The following PSMA8 variants were observed in gnomAD, a reference collection of about 807,000 sequenced individuals.
PSMA8 encodes the protein proteasome 20S subunit alpha 8.
PSMA8 carries 18 observed loss-of-function variants against 32.4 expected under a neutral mutation model. The observed-to-expected ratio is 0.56, with a 90% CI of 0.38 to 0.82. The LOEUF (loss-of-function observed/expected upper bound fraction) is 0.82. PSMA8 is among the 40% of genes least tolerant of loss of function. PSMA8 has a pLI of 0.00. For synonymous variants in PSMA8, 104 were observed against 98.1 expected, an observed-to-expected ratio of 1.06 and a Z score of -0.36; for missense variants, 298 against 300.7, an observed-to-expected ratio of 0.99 and a Z score of 0.07.
In PSMA8 at chr18:26,150,199, A is replaced by T. The variant is rs370330365; in HGVS notation, c.230-1659A>T. On this transcript the variant is annotated intron_variant, in intron 2 of 6. Transcript: ENST00000415576. The stretch of plus-strand genomic sequence containing the variant: ...AACATCTGAAACACTTCTGATCCCA[A>T]GCATTTTCAGATGAGCGATGAGGGA... Among the ~76,000 whole-genome samples the T allele has an allele frequency of 5.3e-5, 8 of 152,328 alleles. No individual in the cohort carries two copies. The East Asian group carries it at 9.6e-4, about 18-fold the overall frequency.
chr18:26,153,462 A>G (rs1008474599), intron 3 of PSMA8, among the ~76,000 whole-genome samples: 2 of 152,250 alleles, frequency 1.3e-5, no homozygotes, highest in Admixed American at 1.3e-4. Flanking sequence ...CTAGCAATGT[A>G]TAAATGTATC....
chr18:26,160,259 C>T (rs2055124996), intron 4 of PSMA8, among the ~76,000 whole-genome samples: 1 of 152,178 alleles, frequency 6.6e-6, no homozygotes, highest in Non-Finnish European at 1.5e-5. Context: ...AAGCTAGGAT[C>T]ATACCACTGC....
At chr18:26,158,927 C>G (rs1219566591) in intron 4 of PSMA8, among the ~76,000 whole-genome samples, 1 of 152,086 alleles carries the variant, frequency 6.6e-6, no homozygotes, top group Non-Finnish European at 1.5e-5. Flanking sequence ...GAGTTATAAT[C>G]ATGTCTCTGC....
At chr18:26,148,790 A>G (rs929055832) in intron 2 of PSMA8, among the ~76,000 whole-genome samples, 1 of 152,222 alleles carries the variant, frequency 6.6e-6, no homozygotes, top group African/African-American at 2.4e-5. Context: ...GTTACAAATA[A>G]TAAACAAATT....
At chr18:26,189,871 T>C (rs748495024) in intron 6 of PSMA8, among the ~76,000 whole-genome samples, 1 of 152,174 alleles carries the variant, frequency 6.6e-6, no homozygotes, top group East Asian at 1.9e-4. Flanking sequence ...CTGTTCACAA[T>C]AGCCAAGATT....
chr18:26,153,899 A>T (rs981785490), intron 3 of PSMA8, among the ~76,000 whole-genome samples: 7 of 151,680 alleles, frequency 4.6e-5, no homozygotes, highest in Non-Finnish European at 8.8e-5. Flanking sequence ...TTTTATTTTT[A>T]TTTTTATTTT....
chr18:26,177,446 A>G (rs914737546), intron 4 of PSMA8, among the ~76,000 whole-genome samples: 3 of 152,192 alleles, frequency 2.0e-5, no homozygotes, highest in Admixed American at 2.0e-4. Context: ...AACAGTACCT[A>G]TTTAATCATT....
rs771261480 is a variant in PSMA8, at chr18:26,192,301, AT to A, written c.661-11del. On this transcript the variant is annotated splice_polypyrimidine_tract_variant and intron_variant, in intron 6 of 6. Transcript: ENST00000415576. ...CGTATAACTGACATTTGATCTTTAA[AT>A]TTTTTTCTCTTTTCAGATGTTTAGT... The A allele has an allele frequency of 5.4e-6, 8 of 1,470,228 alleles. No homozygotes were observed. Among genetic ancestry groups the A allele is most frequent in the African/African-American group, 2.9e-5 (2 of 67,900 alleles). 91.1% of individuals were successfully genotyped at this position (1,470,228 alleles called of 1,614,324 possible). A position where few individuals can be genotyped will look rare whatever the true frequency, so the allele number is the denominator to read the frequency against.
intron 2 of PSMA8, 76 bp from the exon 3 acceptor site, chr18:26,151,782 A>G: frequency 7.3e-7 from 1 of 1,379,272 alleles, no homozygotes; most frequent in Non-Finnish European, 9.8e-7. Flanking sequence ...TGTGAATAAA[A>G]CCCATTTGAC....
At chr18:26,174,576 AT>A (rs1366454626) in intron 4 of PSMA8, among the ~76,000 whole-genome samples, 1 of 152,206 alleles carries the variant, frequency 6.6e-6, no homozygotes, top group Non-Finnish European at 1.5e-5. Flanking sequence ...ATTCTATACT[AT>A]TTTAAGGAGA....
At chr18:26,151,082 T>C (rs955307658) in intron 2 of PSMA8, among the ~76,000 whole-genome samples, 3 of 152,336 alleles carry the variant, frequency 2.0e-5, no homozygotes, top group Middle Eastern at 3.4e-3. Flanking sequence ...AGCATATTCA[T>C]ATTAACTATC....
Position 26,170,341 on chromosome 18 carries a change from A to T in PSMA8, c.478-8489A>T, listed in dbSNP as rs2055210927. Among the ~76,000 whole-genome samples the T allele has an allele frequency of 1.5e-5, 2 of 131,820 alleles. 1 individual carries two copies. Among genetic ancestry groups the T allele is most frequent in the Non-Finnish European group, 3.0e-5 (2 of 67,318 alleles). The allele number at this position is 131,820 out of a possible 152,430, so 86.5% of individuals were successfully genotyped here. ...CATTTATCTACAAACCTCTGGATAT[A>T]CACGTAGGAATCTTTTGGTATTTCC... On this transcript the variant is annotated intron_variant, in intron 4 of 6. Transcript: ENST00000415576.
intron 4 of PSMA8, 112 bp downstream of exon 4, chr18:26,158,356 G>A: frequency 1.1e-6 from 1 of 888,382 alleles, no homozygotes; most frequent in Non-Finnish European, 1.7e-6. Context: ...ATTGATATTG[G>A]TAAAATGTAA....
At chr18:26,181,886 T>G (rs1199705196) in intron 6 of PSMA8, among the ~76,000 whole-genome samples, 1 of 149,194 alleles carries the variant, frequency 6.7e-6, no homozygotes, top group Admixed American at 6.7e-5. Flanking sequence ...ATGGCACCAC[T>G]GCACTCCAGC....
Position 26,186,938 on chromosome 18 carries a change from T to C in PSMA8, c.661-5381T>C, listed in dbSNP as rs190770244. Among the ~76,000 whole-genome samples, 790 of 152,362 alleles carry C rather than the reference T, an allele frequency of 5.2e-3. 5 individuals are homozygous for C. Among genetic ancestry groups the C allele is most frequent in the African/African-American group, 0.018 (740 of 41,590 alleles). On this transcript the variant is annotated intron_variant, in intron 6 of 6. Coordinates refer to ENST00000415576, the MANE Select transcript of PSMA8 (RefSeq NM_001025096.2). The stretch of plus-strand genomic sequence containing the variant: ...TGGATTAAACTGCCCTGGAGAAGGA[T>C]ACTTGTCTCCCTAGCCTAGGAAGTT...
Position 26,151,998 on chromosome 18 carries a change from A to G in PSMA8, c.354+16A>G. 3.2e-6 allele frequency: 5 copies of G among 1,584,168 alleles called. No individual in the cohort carries two copies. The highest frequency in any genetic ancestry group is 4.3e-6 in the Non-Finnish European group (5 of 1,168,960). Reference sequence around the variant, plus strand: ...TTTAAAGCAGGTAAGCTAATATTCTAACATACTTTGTTAAGCTTTCTCCTT... The same window carrying G: ...TTTAAAGCAGGTAAGCTAATATTCTGACATACTTTGTTAAGCTTTCTCCTT... On this transcript the variant is annotated intron_variant, in intron 3 of 6. Coordinates refer to ENST00000415576, the MANE Select transcript of PSMA8 (RefSeq NM_001025096.2).
intron 6 of PSMA8, among the ~76,000 whole-genome samples, chr18:26,188,337 C>T: frequency 2.2e-5 from 1 of 46,076 alleles, no homozygotes; most frequent in Admixed American, 2.0e-4. Context: ...CAAAAAAGGA[C>T]ACCAAAAAAA....
At chr18:26,152,631 A>T (rs1181219694) in intron 3 of PSMA8, among the ~76,000 whole-genome samples, 1 of 152,034 alleles carries the variant, frequency 6.6e-6, no homozygotes, top group Non-Finnish European at 1.5e-5. Flanking sequence ...GGCCTGCATT[A>T]TTCTTTTACC....
chr18:26,142,028 A>G (rs1336177635), intron 1 of PSMA8, among the ~76,000 whole-genome samples: 4 of 148,118 alleles, frequency 2.7e-5, no homozygotes, highest in Non-Finnish European at 5.9e-5. Flanking sequence ...TTTCACTTCA[A>G]TAATGCTAAT....
Sources: gnomAD v4.1 joint callset for allele counts (sites outside exome capture counted in the v4.1 genomes callset) on GRCh38, gnomAD v4.1.1 for gene constraint, MANE v1.5 for transcripts, NCBI Gene and HGNC (gene_info 2026-07-23, HGNC 2026-07-21) for gene names.